Variants in NDC1 observed in about 807,000 individuals in gnomAD.
The protein encoded by NDC1 is NDC1 transmembrane nucleoporin, also known as nucleoporin NDC1.
A neutral mutation model predicts 89.8 loss-of-function variants in NDC1; 24 were observed. The ratio of observed to expected loss-of-function variants is 0.27; its 90% CI spans 0.19 to 0.38. NDC1 has a LOEUF of 0.38. NDC1 is among the 10% of genes least tolerant of loss of function. The probability of loss-of-function intolerance (pLI) is 1.00; values close to 1 mark genes in which losing one functional copy is unlikely to be tolerated. For missense variants in NDC1, 728 were observed against 797.6 expected (o/e 0.91, Z 1.05); for synonymous variants, 296 against 284.8 (o/e 1.04, Z -0.39).
chr1:53,831,417 G>A (rs565858968), intron 3 of NDC1, among the ~76,000 whole-genome samples: 1 of 151,920 alleles, frequency 6.6e-6, no homozygotes, highest in Admixed American at 6.6e-5. Flanking sequence ...AGTGGCTCAC[G>A]CCTGTAATCC....
intron 14 of NDC1, among the ~76,000 whole-genome samples, chr1:53,791,353 A>G (rs1647495004): frequency 6.6e-6 from 1 of 151,220 alleles, no homozygotes; most frequent in Admixed American, 6.6e-5. Context: ...TGGGAGGCGG[A>G]GCTTGCAGTG....
At chr1:53,798,572 TAAG>T (rs1647804972) in intron 11 of NDC1, among the ~76,000 whole-genome samples, 1 of 151,078 alleles carries the variant, frequency 6.6e-6, no homozygotes, top group Non-Finnish European at 1.5e-5. Flanking sequence ...TTTTTCTCCT[TAAG>T]AAGGAGTCTC....
At position 53,772,404 on chromosome 1, in the gene NDC1, G is replaced by A. The variant is rs116087466; in HGVS notation, c.1886C>T (p.Thr629Ile). Residue 629 changes from threonine (T) to isoleucine (I), a missense_variant, in exon 17 of 18, where the codon ACA (threonine) becomes ATA (isoleucine). Thr to Ile is a moderately conservative substitution (Grantham distance 89, BLOSUM62 -1). Transcript: ENST00000371429. ...SGSLVDTSYK[T>I]LRFAFRASLK... ...TGATGCTCTGAATGCAAATCTTAAT[G>A]TTTTATATGAAGTGTCCACAAGGCT... is the stretch of plus-strand genomic sequence containing the variant. The A allele has an allele frequency of 2.4e-3, 3,839 of 1,613,832 alleles. 9 individuals carry two copies. The highest frequency in any genetic ancestry group is 5.3e-3 in the Middle Eastern group (32 of 6,060).
Position 53,832,546 on chromosome 1 carries a change from A to G in NDC1, c.224T>C (p.Leu75Pro), listed in dbSNP as rs1649099977. The G allele has an allele frequency of 3.1e-6, 5 of 1,601,616 alleles. No individual in the cohort carries two copies. Among genetic ancestry groups the G allele is most frequent in the Non-Finnish European group, 4.3e-6 (5 of 1,168,678 alleles). Residue 75 changes from leucine to proline, a missense_variant, in exon 3 of 18, where the codon CTG (leucine) becomes CCG (proline). Transcript: ENST00000371429. ...LYSSYVIFYF[L>P]LLSVVIIIIS... Reference sequence around the variant, plus strand: ...TATTATTATTACCACTGACAGCAGCAGGAAGTAAAAGATTACATAGGAACT... The same window carrying G: ...TATTATTATTACCACTGACAGCAGCGGGAAGTAAAAGATTACATAGGAACT...
intron 5 of NDC1, among the ~76,000 whole-genome samples, chr1:53,824,196 T>C (rs1303410124): frequency 1.4e-5 from 2 of 145,654 alleles, no homozygotes; most frequent in African/African-American, 2.6e-5. Flanking sequence ...ATCGTGCTAC[T>C]GCGCTCCAGC....
At chr1:53,829,478 T>A (rs1456717219) in intron 3 of NDC1, among the ~76,000 whole-genome samples, 3 of 152,212 alleles carry the variant, frequency 2.0e-5, no homozygotes, top group African/African-American at 7.2e-5. Flanking sequence ...TCTCCTCAAG[T>A]TCCCCCATGC....
Position 53,838,279 on chromosome 1 carries a change from G to C in NDC1, c.-18C>G. Reference sequence around the variant, plus strand: ...GTGGCCATGGAGATGGCGGCCCCTAGTCTAGGGCGTACAGGAGACCGTGCG... The same window carrying C: ...GTGGCCATGGAGATGGCGGCCCCTACTCTAGGGCGTACAGGAGACCGTGCG... On this transcript the variant is annotated 5_prime_UTR_variant, in exon 1 of 18. Coordinates refer to ENST00000371429, the MANE Select transcript of NDC1 (RefSeq NM_018087.5). The C allele has an allele frequency of 6.5e-7, 1 of 1,533,832 alleles. No individual in the cohort carries two copies. Among genetic ancestry groups the C allele is most frequent in the African/African-American group, 1.4e-5 (1 of 72,614 alleles).
chr1:53,825,964 T>C (rs1648847149), intron 4 of NDC1, 28 bp from the exon 5 acceptor site: 2 of 1,607,958 alleles, frequency 1.2e-6, no homozygotes, highest in South Asian at 2.2e-5. Context: ...AGTTATTAAT[T>C]CAACAGTCAG....
chr1:53,789,573 T>C (rs1324506592), intron 14 of NDC1, among the ~76,000 whole-genome samples: 1 of 152,160 alleles, frequency 6.6e-6, no homozygotes, highest in Non-Finnish European at 1.5e-5. Flanking sequence ...TCCAGCACTT[T>C]GGGAGGCCAA....
chr1:53,800,926 A>C, intron 10 of NDC1, 78 bp from the exon 11 acceptor site: 2 of 1,389,220 alleles, frequency 1.4e-6, no homozygotes, highest in Non-Finnish European at 2.0e-6. Flanking sequence ...AAAGTCAGTA[A>C]GAAATTCTAC....
intron 6 of NDC1, among the ~76,000 whole-genome samples, chr1:53,813,528 A>C (rs759510489): frequency 5.3e-5 from 8 of 152,236 alleles, no homozygotes; most frequent in Non-Finnish European, 1.2e-4. Flanking sequence ...GTTAAAAGAG[A>C]CAAAGAGGGA....
At chr1:53,834,859 G>T (rs1390850232) in intron 2 of NDC1, among the ~76,000 whole-genome samples, 1 of 152,184 alleles carries the variant, frequency 6.6e-6, no homozygotes, top group Non-Finnish European at 1.5e-5. Context: ...TGTAATCCCA[G>T]CACTTCGGGA....
rs1647065592 is a variant in NDC1, at chr1:53,766,304, T to C, written c.*1666A>G. The C allele has an allele frequency of 6.6e-6, 1 of 152,166 alleles. No individual in the cohort carries two copies. Among genetic ancestry groups the C allele is most frequent in the Non-Finnish European group, 1.5e-5 (1 of 68,026 alleles). 9.4% of individuals were successfully genotyped at this position (152,166 alleles called of 1,614,324 possible). A position where few individuals can be genotyped will look rare whatever the true frequency, so the allele number is the denominator to read the frequency against. The stretch of plus-strand genomic sequence containing the variant: ...GGAAGCAGAAGATTCAGAGTCCTTG[T>C]CTCCCAAAATGCCTCAGCCAGGGTC... On this transcript the variant is annotated 3_prime_UTR_variant, in exon 18 of 18. Coordinates refer to ENST00000371429, the MANE Select transcript of NDC1 (RefSeq NM_018087.5).
chr1:53,825,054 G>A (rs1246148824), intron 5 of NDC1, among the ~76,000 whole-genome samples: 1 of 152,086 alleles, frequency 6.6e-6, no homozygotes, highest in African/African-American at 2.4e-5. Context: ...CACACCTGTA[G>A]TCCCAGATAC....
intron 16 of NDC1, among the ~76,000 whole-genome samples, chr1:53,778,205 T>C (rs1647177404): frequency 6.7e-6 from 1 of 148,480 alleles, no homozygotes; most frequent in African/African-American, 2.4e-5. Context: ...ATTAAGGGGA[T>C]TCTACCTCAG....
At chr1:53,772,835 C>T (rs535766154) in intron 16 of NDC1, among the ~76,000 whole-genome samples, 1 of 151,816 alleles carries the variant, frequency 6.6e-6, no homozygotes, top group Non-Finnish European at 1.5e-5. Flanking sequence ...TGGATATATA[C>T]AGAGAGATAT....
chr1:53,825,890 A>T lies in NDC1; in HGVS notation c.502T>A (p.Phe168Ile). ...ATAAATGCTCCAGTCAGTAGGAAAAAAAGATGATATTCATTTAAGCAGGTT... is the reference window on the plus strand; with the variant it reads ...ATAAATGCTCCAGTCAGTAGGAAAATAAGATGATATTCATTTAAGCAGGTT... The part of the protein sequence containing the change: ...AQTCLNEYHL[F>I]FLLTGAFMGY... The change falls in exon 5 of 18, where the codon TTT becomes ATT. Residue 168 changes from phenylalanine to isoleucine, a missense_variant. Transcript: ENST00000371429. The T allele has an allele frequency of 1.2e-6, 2 of 1,611,092 alleles. No homozygotes were observed. Among genetic ancestry groups the T allele is most frequent in the Non-Finnish European group, 1.7e-6 (2 of 1,179,076 alleles).
At chr1:53,835,391 G>T in intron 2 of NDC1, 109 bp downstream of exon 2, 4 of 756,552 alleles carry the variant, frequency 5.3e-6, no homozygotes, top group Non-Finnish European at 8.3e-6. Flanking sequence ...GTTTTGATGT[G>T]TCAATATAAC....
At chr1:53,832,628 C>G in intron 2 of NDC1, 37 bp from the exon 3 acceptor site, 1 of 1,086,144 alleles carries the variant, frequency 9.2e-7, no homozygotes, top group Non-Finnish European at 1.4e-6. Flanking sequence ...AAAGGTTATT[C>G]AGTCATGTAG....
Sources: gnomAD v4.1 joint callset for allele counts (sites outside exome capture counted in the v4.1 genomes callset) on GRCh38, gnomAD v4.1.1 for gene constraint, MANE v1.5 for transcripts, NCBI Gene and HGNC (gene_info 2026-07-23, HGNC 2026-07-21) for gene names.